Variants in DPYD observed in about 807,000 individuals in gnomAD.
The protein encoded by DPYD is dihydropyrimidine dehydrogenase [NADP(+)].
DPYD carries 109 observed loss-of-function variants against 116.2 expected under a neutral mutation model. That is an observed-to-expected ratio of 0.94 (90% confidence interval 0.80 to 1.10). The LOEUF is 1.10. Ranked by LOEUF, DPYD falls within the 50% of genes least tolerant of loss-of-function variation. The pLI is 0.00. For missense variants in DPYD, 1,302 were observed against 1,254.5 expected (o/e 1.04, Z -0.57); for synonymous variants, 440 against 432.0 (o/e 1.02, Z -0.23).
In DPYD at chr1:97,920,924, G is replaced by A. The variant is rs1195928794; in HGVS notation, c.-2C>T. On this transcript the variant is annotated 5_prime_UTR_variant, in exon 1 of 23. Coordinates refer to ENST00000370192, the MANE Select transcript of DPYD (RefSeq NM_000110.4). ...GTCCTTACTGAGCACAGGGGCCATG[G>A]CAGTGCCTACAGTCTCGAGTCTGCC... is the stretch of plus-strand genomic sequence containing the variant. The A allele has an allele frequency of 1.9e-6, 3 of 1,587,728 alleles. No individual in the cohort carries two copies.
At chr1:97,916,802 G>C (rs1674237363) in intron 1 of DPYD, among the ~76,000 whole-genome samples, 1 of 152,136 alleles carries the variant, frequency 6.6e-6, no homozygotes, top group African/African-American at 2.4e-5. Flanking sequence ...GAGCCCAAGA[G>C]TACAAGGCCA....
intron 20 of DPYD, among the ~76,000 whole-genome samples, chr1:97,142,569 T>A (rs1217972116): frequency 6.6e-6 from 1 of 152,188 alleles, no homozygotes; most frequent in Non-Finnish European, 1.5e-5. Flanking sequence ...CAGATTTCAT[T>A]CTTCATACTT....
chr1:97,262,207 A>T (rs1011835260), intron 18 of DPYD, among the ~76,000 whole-genome samples: 5 of 152,150 alleles, frequency 3.3e-5, no homozygotes, highest in Admixed American at 1.3e-4. Context: ...CTTTGACTGT[A>T]GGTATATCCA....
intron 18 of DPYD, among the ~76,000 whole-genome samples, chr1:97,293,389 C>T (rs1200517667): frequency 6.6e-6 from 1 of 152,162 alleles, no homozygotes; most frequent in Non-Finnish European, 1.5e-5. Flanking sequence ...AGTAGAGATT[C>T]CCATATACCT....
chr1:97,332,984 A>C (rs781135855), intron 16 of DPYD, among the ~76,000 whole-genome samples: 1 of 151,174 alleles, frequency 6.6e-6, no homozygotes, highest in Non-Finnish European at 1.5e-5. Context: ...TGTAGTCTCA[A>C]CTCTTTTTTT....
intron 13 of DPYD, among the ~76,000 whole-genome samples, chr1:97,453,911 T>C (rs1255737152): frequency 6.6e-6 from 1 of 152,084 alleles, no homozygotes; most frequent in Non-Finnish European, 1.5e-5. Flanking sequence ...TTCCTTTGTG[T>C]TGATTTATAA....
chr1:97,802,731 G>A (rs1667903870), intron 3 of DPYD, among the ~76,000 whole-genome samples: 1 of 151,760 alleles, frequency 6.6e-6, no homozygotes, highest in African/African-American at 2.4e-5. Context: ...TAGATCTCTT[G>A]CCATTAAAAG....
intron 8 of DPYD, among the ~76,000 whole-genome samples, chr1:97,606,610 A>C (rs116570677): frequency 0.013 from 1,990 of 152,036 alleles, 23 homozygotes; most frequent in Middle Eastern, 0.024. Context: ...AAAATGCGAA[A>C]TTTGACAAAT....
chr1:97,591,675 C>T (rs1227163390), intron 10 of DPYD, among the ~76,000 whole-genome samples: 1 of 152,094 alleles, frequency 6.6e-6, no homozygotes, highest in Non-Finnish European at 1.5e-5. Context: ...CCCCTTCCAA[C>T]CCTCAAGAAG....
intron 3 of DPYD, among the ~76,000 whole-genome samples, chr1:97,759,390 T>G (rs1239485888): frequency 6.6e-6 from 1 of 152,152 alleles, no homozygotes; most frequent in East Asian, 1.9e-4. Flanking sequence ...CATTTAGCTT[T>G]TAATATTATG....
intron 20 of DPYD, among the ~76,000 whole-genome samples, chr1:97,113,641 T>C (rs1448468615): frequency 6.6e-6 from 1 of 152,124 alleles, no homozygotes; most frequent in Non-Finnish European, 1.5e-5. Flanking sequence ...TATATGTTGA[T>C]ATATTTGAAT....
intron 3 of DPYD, among the ~76,000 whole-genome samples, chr1:97,773,125 C>A (rs1666227142): frequency 6.6e-6 from 1 of 152,146 alleles, no homozygotes; most frequent in Non-Finnish European, 1.5e-5. Context: ...ACACTGAGTT[C>A]TTACAATGCC....
At chr1:97,129,641 GCCTATT>G (rs1261881286) in intron 20 of DPYD, among the ~76,000 whole-genome samples, 1 of 151,990 alleles carries the variant, frequency 6.6e-6, no homozygotes, top group Non-Finnish European at 1.5e-5. Context: ...ATCTCACATG[GCCTATT>G]CCAATAGTTT....
At chr1:97,129,131 T>A (rs1001775191) in intron 20 of DPYD, among the ~76,000 whole-genome samples, 11 of 151,568 alleles carry the variant, frequency 7.3e-5, no homozygotes, top group Admixed American at 7.2e-4. Context: ...ATGGCATGAT[T>A]TTGGATCACT....
chr1:97,432,804 T>C (rs1675256458), intron 14 of DPYD, among the ~76,000 whole-genome samples: 1 of 152,276 alleles, frequency 6.6e-6, no homozygotes, highest in East Asian at 1.9e-4. Flanking sequence ...AAGCAGAGTC[T>C]GGGTTGTGCC....
intron 20 of DPYD, among the ~76,000 whole-genome samples, chr1:97,154,580 C>T (rs1006978856): frequency 2.0e-5 from 3 of 151,908 alleles, no homozygotes; most frequent in African/African-American, 2.4e-5. Flanking sequence ...ACAGGCGAAA[C>T]CATTAGCCAT....
intron 8 of DPYD, among the ~76,000 whole-genome samples, chr1:97,625,483 C>T (rs1044582196): frequency 6.6e-6 from 1 of 151,928 alleles, no homozygotes; most frequent in African/African-American, 2.4e-5. Flanking sequence ...GTAGTATCCC[C>T]TCAAATTGAT....
At chr1:97,147,854 C>A (rs952999427) in intron 20 of DPYD, among the ~76,000 whole-genome samples, 8 of 152,128 alleles carry the variant, frequency 5.3e-5, no homozygotes, top group South Asian at 2.1e-4. Context: ...TGGGTAGAAT[C>A]AAGAGGGTGA....
At chr1:97,688,690 CTT>C (rs969599291) in intron 7 of DPYD, among the ~76,000 whole-genome samples, 3 of 151,952 alleles carry the variant, frequency 2.0e-5, no homozygotes, top group Non-Finnish European at 4.4e-5. Context: ...AACAAAAAGT[CTT>C]TGCACATTTA....
Sources: gnomAD v4.1 joint callset for allele counts (sites outside exome capture counted in the v4.1 genomes callset) on GRCh38, gnomAD v4.1.1 for gene constraint, MANE v1.5 for transcripts, NCBI Gene and HGNC (gene_info 2026-07-23, HGNC 2026-07-21) for gene names.